ADAMTSL1: variants seen among roughly 807,000 people sequenced by gnomAD.
The protein encoded by ADAMTSL1 is ADAMTS like 1, also known as ADAMTS-like protein 1.
In ADAMTSL1, 126 loss-of-function variants were observed where a neutral mutation model predicts 201.8. That is an observed-to-expected ratio of 0.62 (90% CI 0.54 to 0.72). ADAMTSL1 has a LOEUF of 0.72. ADAMTSL1 is among the 30% of genes least tolerant of loss of function. The probability of loss-of-function intolerance (pLI) is 0.00; values close to 1 mark genes in which losing one functional copy is unlikely to be tolerated. For synonymous variants in ADAMTSL1, 1,121 were observed against 903.4 expected, an observed-to-expected ratio of 1.24 and a Z score of -4.32; for missense variants, 2,679 against 2,277.8, an observed-to-expected ratio of 1.18 and a Z score of -3.59.
At chr9:18,604,030 A>G (rs570976196) in intron 4 of ADAMTSL1, among the ~76,000 whole-genome samples, 26 of 152,338 alleles carry the variant, frequency 1.7e-4, no homozygotes, top group African/African-American at 5.3e-4. Context: ...ATTTATCCCT[A>G]TGCATTTGGG....
At position 18,777,092 on chromosome 9, in the gene ADAMTSL1, C is replaced by G. The variant is rs766912424; in HGVS notation, c.2863C>G (p.His955Asp). 1 of 1,613,252 alleles carries G rather than the reference C, an allele frequency of 6.2e-7. No homozygotes were observed. Among genetic ancestry groups the G allele is most frequent in the South Asian group, 1.1e-5 (1 of 91,078 alleles). Residue 955 changes from histidine to aspartate, a missense_variant, in exon 19 of 29, where the codon CAC becomes GAC. His to Asp is a moderately conservative substitution (Grantham distance 81). Coordinates refer to ENST00000380548, the MANE Select transcript of ADAMTSL1 (RefSeq NM_001040272.6). ...YTCSAGPARE[H>D]FVIKLIGGNR... ...CTGCTCAGCGGGCCCGGCCCGGGAG[C>G]ACTTTGTGATTAAGCTCATCGGAGG...
intron 1 of ADAMTSL1, among the ~76,000 whole-genome samples, chr9:18,014,052 A>G (rs1303010270): frequency 6.6e-6 from 1 of 152,032 alleles, no homozygotes; most frequent in African/African-American, 2.4e-5. Flanking sequence ...ATAGTCAAGC[A>G]TATTTGGCAA....
intron 2 of ADAMTSL1, among the ~76,000 whole-genome samples, chr9:18,405,177 A>G (rs1385482747): frequency 6.6e-6 from 1 of 152,148 alleles, no homozygotes; most frequent in Non-Finnish European, 1.5e-5. Flanking sequence ...ATTGAAATTG[A>G]CAGAAAACAC....
intron 3 of ADAMTSL1, among the ~76,000 whole-genome samples, chr9:18,554,215 A>C (rs1820967725): frequency 6.6e-6 from 1 of 151,524 alleles, no homozygotes; most frequent in Admixed American, 6.6e-5. Context: ...TACTCTTTCA[A>C]AATTCTTCTT....
At chr9:18,511,798 C>T (rs1223809773) in intron 2 of ADAMTSL1, among the ~76,000 whole-genome samples, 3 of 152,122 alleles carry the variant, frequency 2.0e-5, no homozygotes, top group Non-Finnish European at 4.4e-5. Context: ...ATAATAAATA[C>T]CAAAAGAAAA....
chr9:18,890,011 A>G (rs1299337633), intron 25 of ADAMTSL1, among the ~76,000 whole-genome samples: 1 of 152,128 alleles, frequency 6.6e-6, no homozygotes, highest in Admixed American at 6.5e-5. Context: ...GGGTCTGTTC[A>G]GGGAGCAAGA....
chr9:18,807,243 A>G (rs569445705), intron 20 of ADAMTSL1, among the ~76,000 whole-genome samples: 113 of 152,352 alleles, frequency 7.4e-4, no homozygotes, highest in Admixed American at 1.2e-3. Context: ...TAACACAAAC[A>G]AATTTACAGA....
At chr9:18,676,100 T>C (rs538236857) in intron 10 of ADAMTSL1, among the ~76,000 whole-genome samples, 193 bp downstream of exon 10, 1 of 152,234 alleles carries the variant, frequency 6.6e-6, no homozygotes, top group South Asian at 2.1e-4. Context: ...AGCTTATCAT[T>C]CAAAAACCAC....
At chr9:18,246,136 C>A (rs561356806) in intron 2 of ADAMTSL1, among the ~76,000 whole-genome samples, 1 of 152,224 alleles carries the variant, frequency 6.6e-6, no homozygotes, top group East Asian at 1.9e-4. Context: ...TTTTTAATAA[C>A]CGTGTCATCC....
At chr9:18,145,747 A>G (rs969584299) in intron 1 of ADAMTSL1, among the ~76,000 whole-genome samples, 1 of 152,208 alleles carries the variant, frequency 6.6e-6, no homozygotes, top group Admixed American at 6.5e-5. Context: ...GAAAATTTAT[A>G]AGCTAAACAT....
chr9:18,380,509 C>T (rs1320942124), intron 2 of ADAMTSL1, among the ~76,000 whole-genome samples: 2 of 152,168 alleles, frequency 1.3e-5, no homozygotes, highest in African/African-American at 4.8e-5. Flanking sequence ...CCACCAATAA[C>T]CCTCATAGTC....
At chr9:18,277,305 T>C (rs1171991772) in intron 2 of ADAMTSL1, among the ~76,000 whole-genome samples, 2 of 152,220 alleles carry the variant, frequency 1.3e-5, no homozygotes, top group African/African-American at 4.8e-5. Context: ...GTTGATTTTC[T>C]GTCTGGATGA....
intron 1 of ADAMTSL1, among the ~76,000 whole-genome samples, chr9:18,066,466 C>G (rs912636194): frequency 6.6e-6 from 1 of 152,142 alleles, no homozygotes; most frequent in Non-Finnish European, 1.5e-5. Flanking sequence ...GCATCCATCC[C>G]TTTTGAAAAT....
intron 26 of ADAMTSL1, among the ~76,000 whole-genome samples, chr9:18,901,278 GATTACAAGACAT>G (rs1248054483): frequency 6.6e-6 from 1 of 152,158 alleles, no homozygotes; most frequent in Non-Finnish European, 1.5e-5. Flanking sequence ...CACTATTCCT[GATTACAAGACAT>G]ATTAAATGGA....
chr9:17,913,431 C>T (rs1825968021), intron 1 of ADAMTSL1, among the ~76,000 whole-genome samples: 1 of 152,072 alleles, frequency 6.6e-6, no homozygotes, highest in Admixed American at 6.6e-5. Flanking sequence ...AAGTTGGATT[C>T]CTAGGTATTT....
chr9:18,527,944 C>A (rs1447839057), intron 2 of ADAMTSL1, among the ~76,000 whole-genome samples: 1 of 152,166 alleles, frequency 6.6e-6, no homozygotes, highest in East Asian at 1.9e-4. Flanking sequence ...ATGGTACAAT[C>A]TCGGCTCACT....
At chr9:18,744,194 C>T (rs975453761) in intron 15 of ADAMTSL1, among the ~76,000 whole-genome samples, 4 of 152,260 alleles carry the variant, frequency 2.6e-5, no homozygotes, top group Admixed American at 6.5e-5. Flanking sequence ...TTTCTGAACT[C>T]TTGCAGTCCT....
At chr9:18,036,893 T>C (rs1821222986) in intron 1 of ADAMTSL1, among the ~76,000 whole-genome samples, 1 of 152,186 alleles carries the variant, frequency 6.6e-6, no homozygotes, top group Non-Finnish European at 1.5e-5. Flanking sequence ...TGCTATTTTC[T>C]GGTTGCCTAG....
At chr9:18,373,366 C>G (rs951380124) in intron 2 of ADAMTSL1, among the ~76,000 whole-genome samples, 4 of 152,098 alleles carry the variant, frequency 2.6e-5, no homozygotes, top group African/African-American at 7.2e-5. Flanking sequence ...TTACTTAATC[C>G]TGATTATAAG....
Sources: allele counts gnomAD v4.1 joint callset (sites outside exome capture counted in the v4.1 genomes callset), GRCh38; gene constraint gnomAD v4.1.1; transcripts MANE v1.5; gene names NCBI Gene and HGNC (gene_info 2026-07-23, HGNC 2026-07-21).